Variants in LCMT1 observed in about 807,000 individuals in gnomAD.
LCMT1 encodes the protein [Phosphatase 2A protein]-leucine-carboxy methyltransferase 1.
LCMT1 carries 32 observed loss-of-function variants against 47.7 expected under a neutral mutation model. That is an observed-to-expected ratio of 0.67 (90% CI 0.51 to 0.90). The LOEUF (loss-of-function observed/expected upper bound fraction) is 0.90. Among genes scored for constraint, LCMT1 ranks in the 40% least tolerant of loss-of-function variants. LCMT1 has a pLI of 0.00. For synonymous variants in LCMT1, 152 were observed against 149.7 expected (o/e 1.02, Z -0.11); for missense variants, 375 against 415.2 (o/e 0.90, Z 0.84).
At chr16:25,122,712 C>A (rs79273090) in intron 1 of LCMT1, among the ~76,000 whole-genome samples, 2,420 of 152,246 alleles carry the variant, frequency 0.016, 73 homozygotes, top group African/African-American at 0.055. Context: ...TTATTTCAGG[C>A]GTAGTTATCC....
chr16:25,113,329 T>A (rs1959688020), intron 1 of LCMT1, among the ~76,000 whole-genome samples: 1 of 152,126 alleles, frequency 6.6e-6, no homozygotes, highest in Admixed American at 6.6e-5. Context: ...CTTGCACTTT[T>A]TATAGGTTCT....
chr16:25,164,626 G>C lies in LCMT1; in HGVS notation c.598G>C (p.Val200Leu). The stretch of plus-strand genomic sequence containing the variant: ...GCCAACACTCCTGATAGCTGAATGT[G>C]TGCTGGTTTACATGACTCCAGAGCA... ...QLPTLLIAEC[V>L]LVYMTPEQSA... Residue 200 changes from valine to leucine, a missense_variant, in exon 7 of 11, where the codon GTG becomes CTG. Val to Leu is a conservative substitution (Grantham distance 32). Transcript: ENST00000399069. The C allele has an allele frequency of 6.2e-7, 1 of 1,613,910 alleles. No individual in the cohort carries two copies.
At chr16:25,117,868 AT>A (rs1555480763) in intron 1 of LCMT1, among the ~76,000 whole-genome samples, 1 of 151,696 alleles carries the variant, frequency 6.6e-6, no homozygotes, top group African/African-American at 2.4e-5. Flanking sequence ...AAAAAAAAAA[AT>A]TTGACATCAT....
rs185538657 is a variant in LCMT1, at chr16:25,120,896, G to A, written c.114-7579G>A. 4.1e-3 allele frequency among the ~76,000 whole-genome samples: 608 copies of A among 149,456 alleles called. 3 individuals are homozygous for A. The highest frequency in any genetic ancestry group is 0.015 in the African/African-American group (589 of 40,524). ...CCCGAGTAGCTGGGACTGTAGGAGT[G>A]CATCACCAGGCCTGGCTGATTTTGT... is the stretch of plus-strand genomic sequence containing the variant. On this transcript the variant is annotated intron_variant, in intron 1 of 10. Coordinates refer to ENST00000399069, the MANE Select transcript of LCMT1 (RefSeq NM_016309.3).
intron 2 of LCMT1, 200 bp from the exon 3 acceptor site, chr16:25,132,202 T>G: frequency 1.7e-6 from 1 of 584,570 alleles, no homozygotes; most frequent in Non-Finnish European, 3.1e-6. Context: ...TAGATTATAC[T>G]TACCTTGGTT....
At chr16:25,119,791 G>A (rs935802336) in intron 1 of LCMT1, among the ~76,000 whole-genome samples, 3 of 152,036 alleles carry the variant, frequency 2.0e-5, no homozygotes, top group African/African-American at 7.2e-5. Flanking sequence ...TTCAAGGCAG[G>A]TGCTGCTTTC....
intron 3 of LCMT1, 134 bp from the exon 4 acceptor site, chr16:25,140,037 G>T (rs555572664): frequency 9.2e-6 from 6 of 649,704 alleles, no homozygotes; most frequent in African/African-American, 7.3e-5. Flanking sequence ...CGAAAAACAC[G>T]TCTGCCCATA....
At chr16:25,115,452 T>C (rs951319405) in intron 1 of LCMT1, among the ~76,000 whole-genome samples, 3 of 152,224 alleles carry the variant, frequency 2.0e-5, no homozygotes, top group Admixed American at 1.3e-4. Flanking sequence ...GCTACGATCA[T>C]GTCAGCCAAC....
intron 1 of LCMT1, among the ~76,000 whole-genome samples, chr16:25,118,065 G>A (rs1425793952): frequency 1.3e-5 from 2 of 152,096 alleles, no homozygotes; most frequent in African/African-American, 4.8e-5. Context: ...GGGCTCTCCC[G>A]ATCTCTGTTA....
chr16:25,159,332 C>T (rs1053900763), intron 5 of LCMT1, among the ~76,000 whole-genome samples: 1 of 152,108 alleles, frequency 6.6e-6, no homozygotes, highest in Non-Finnish European at 1.5e-5. Context: ...TGCAGAGGCA[C>T]GATCATAGCT....
rs545739621 is a variant in LCMT1, at chr16:25,133,656, C to T, written c.327+1133C>T. ...TTGTGATCTGCCTACCTCGGCCTCC[C>T]AAAGTGCTGGGATTACAGGCGTGAG... On this transcript the variant is annotated intron_variant, in intron 3 of 10. Transcript: ENST00000399069. Among the ~76,000 whole-genome samples the T allele has an allele frequency of 2.7e-5, 4 of 150,586 alleles. No homozygotes were observed. In the East Asian group the frequency reaches 8.0e-4, roughly 30 times the overall value.
chr16:25,164,519 A>G (rs906054055), intron 6 of LCMT1, 79 bp from the exon 7 acceptor site: 47 of 1,588,288 alleles, frequency 3.0e-5, no homozygotes, highest in Admixed American at 2.2e-4. Context: ...CGCCCCACCA[A>G]TACTGCAACA....
intron 3 of LCMT1, among the ~76,000 whole-genome samples, chr16:25,135,694 T>C (rs1268503204): frequency 1.3e-5 from 2 of 152,114 alleles, no homozygotes; most frequent in African/African-American, 4.8e-5. Flanking sequence ...GGGTGTGAGC[T>C]TATTCCATAA....
intron 2 of LCMT1, among the ~76,000 whole-genome samples, chr16:25,130,076 C>G (rs1960304220): frequency 6.6e-6 from 1 of 152,190 alleles, no homozygotes; most frequent in Non-Finnish European, 1.5e-5. Flanking sequence ...CGTGATGGCT[C>G]ACACCTGTAA....
chr16:25,115,306 C>T (rs542716196), intron 1 of LCMT1, among the ~76,000 whole-genome samples: 8 of 152,324 alleles, frequency 5.3e-5, no homozygotes, highest in Non-Finnish European at 8.8e-5. Context: ...CTTCATCCCT[C>T]GGTAATTCTG....
intron 3 of LCMT1, among the ~76,000 whole-genome samples, chr16:25,137,362 C>T (rs1346951118): frequency 6.6e-6 from 1 of 152,156 alleles, no homozygotes; most frequent in South Asian, 2.1e-4. Flanking sequence ...ATAGCTTCTG[C>T]ATAACCCTAC....
chr16:25,130,911 G>A (rs1567311806), intron 2 of LCMT1, among the ~76,000 whole-genome samples: 3 of 152,202 alleles, frequency 2.0e-5, no homozygotes, highest in African/African-American at 4.8e-5. Flanking sequence ...TTCCCAGACA[G>A]CAGAGTATGC....
intron 3 of LCMT1, among the ~76,000 whole-genome samples, chr16:25,139,438 A>T (rs1376957069): frequency 6.6e-5 from 10 of 151,862 alleles, no homozygotes. Context: ...TGAACCCGGG[A>T]GGCAGAGGTT....
At chr16:25,140,459 T>A (rs1312680462) in intron 4 of LCMT1, 2 of 532,404 alleles carry the variant, frequency 3.8e-6, no homozygotes, top group Non-Finnish European at 6.7e-6. Context: ...GATCACAGGC[T>A]CTATGGCTCC....
Sources: gnomAD v4.1 joint callset for allele counts (sites outside exome capture counted in the v4.1 genomes callset) on GRCh38, gnomAD v4.1.1 for gene constraint, MANE v1.5 for transcripts, NCBI Gene and HGNC (gene_info 2026-07-23, HGNC 2026-07-21) for gene names.